Variants in FSHR observed in about 807,000 individuals in gnomAD.
The protein encoded by FSHR is follicle-stimulating hormone receptor.
Under a neutral mutation model 52.1 loss-of-function variants are expected in FSHR, and 46 were observed. The observed-to-expected ratio is 0.88, with a 90% CI of 0.70 to 1.13. The LOEUF (loss-of-function observed/expected upper bound fraction) is 1.13. FSHR is among the 50% of genes most tolerant of loss of function. FSHR has a pLI of 0.00. For missense variants in FSHR, 964 were observed against 834.6 expected (o/e 1.16, Z -1.91); for synonymous variants, 399 against 309.6 (o/e 1.29, Z -3.03).
At chr2:49,097,827 G>C (rs1019311583) in intron 1 of FSHR, among the ~76,000 whole-genome samples, 1 of 152,124 alleles carries the variant, frequency 6.6e-6, no homozygotes, top group Non-Finnish European at 1.5e-5. Flanking sequence ...ATCTAAGTTA[G>C]TGTTTTGTTG....
chr2:49,058,416 G>A (rs1418147873), intron 2 of FSHR, among the ~76,000 whole-genome samples: 2 of 151,832 alleles, frequency 1.3e-5, no homozygotes, highest in African/African-American at 2.4e-5. Flanking sequence ...GCATGGTGGT[G>A]CATGCCTGTA....
chr2:48,982,816 G>T, intron 8 of FSHR, 96 bp downstream of exon 8: 1 of 1,067,168 alleles, frequency 9.4e-7, no homozygotes, highest in Non-Finnish European at 1.5e-6. Context: ...TTGATGGCCA[G>T]CCCTGTGTTG....
chr2:49,151,021 T>C lies in FSHR; in HGVS notation c.152+3245A>G, dbSNP rs189585045. Among the ~76,000 whole-genome samples, 134 of 152,266 alleles carry C rather than the reference T, an allele frequency of 8.8e-4. 1 individual carries two copies. Among genetic ancestry groups the C allele is most frequent in the African/African-American group, 3.2e-3 (132 of 41,552 alleles). ...ATAAAGTTTTCTTGGAACATGTCCA[T>C]GTTCATTAATTTACATGTTGTTTAT... On this transcript the variant is annotated intron_variant, in intron 1 of 9. Coordinates refer to ENST00000406846, the MANE Select transcript of FSHR (RefSeq NM_000145.4).
intron 4 of FSHR, among the ~76,000 whole-genome samples, chr2:49,012,887 G>T (rs1189168646): frequency 1.3e-5 from 2 of 152,094 alleles, no homozygotes; most frequent in African/African-American, 2.4e-5. Context: ...GGACTGAACT[G>T]TGTCCTCTCA....
chr2:49,012,163 G>A (rs767339228), intron 4 of FSHR, among the ~76,000 whole-genome samples: 1 of 152,094 alleles, frequency 6.6e-6, no homozygotes, highest in Non-Finnish European at 1.5e-5. Flanking sequence ...ATGGTTTATT[G>A]AGCAGCAAAG....
intron 2 of FSHR, among the ~76,000 whole-genome samples, chr2:49,056,677 C>T (rs1323290017): frequency 6.6e-6 from 1 of 151,838 alleles, no homozygotes; most frequent in Non-Finnish European, 1.5e-5. Context: ...ACTTACAGAA[C>T]ATTTCATCCA....
At chr2:49,027,790 C>T (rs1667959609) in intron 2 of FSHR, among the ~76,000 whole-genome samples, 1 of 140,448 alleles carries the variant, frequency 7.1e-6, no homozygotes, top group Non-Finnish European at 1.5e-5. Flanking sequence ...GCGGAGGTTG[C>T]AGTGAGCTGA....
At chr2:49,126,510 C>T (rs1240629898) in intron 1 of FSHR, among the ~76,000 whole-genome samples, 1 of 152,150 alleles carries the variant, frequency 6.6e-6, no homozygotes, top group East Asian at 1.9e-4. Context: ...GTTTCCAACA[C>T]ATAAACTTTG....
At chr2:49,120,861 G>A (rs994482183) in intron 1 of FSHR, among the ~76,000 whole-genome samples, 3 of 152,152 alleles carry the variant, frequency 2.0e-5, no homozygotes, top group African/African-American at 7.2e-5. Flanking sequence ...ATATTTTTAG[G>A]TGTAAACCAA....
At chr2:49,088,809 A>G (rs1273119637) in intron 1 of FSHR, among the ~76,000 whole-genome samples, 2 of 151,836 alleles carry the variant, frequency 1.3e-5, no homozygotes, top group Non-Finnish European at 2.9e-5. Context: ...CTGAGAATGA[A>G]GTCACAAGGA....
intron 1 of FSHR, among the ~76,000 whole-genome samples, chr2:49,076,580 A>G (rs1245523306): frequency 6.6e-6 from 1 of 152,130 alleles, no homozygotes; most frequent in Non-Finnish European, 1.5e-5. Context: ...TACATTTGAA[A>G]ACTAATTATG....
chr2:49,138,359 C>G (rs1360288912), intron 1 of FSHR, among the ~76,000 whole-genome samples: 2 of 152,068 alleles, frequency 1.3e-5, no homozygotes, highest in Non-Finnish European at 2.9e-5. Flanking sequence ...TAGGTATACA[C>G]CAAGAAAACT....
chr2:49,061,065 C>T (rs1669270467), intron 2 of FSHR, among the ~76,000 whole-genome samples: 1 of 152,112 alleles, frequency 6.6e-6, no homozygotes. Context: ...CAAGGTAGTA[C>T]TGTACCTTGC....
intron 1 of FSHR, among the ~76,000 whole-genome samples, chr2:49,146,463 A>T (rs4971665): frequency 2.6e-5 from 4 of 151,784 alleles, no homozygotes; most frequent in Non-Finnish European, 5.9e-5. Flanking sequence ...GATCCCTCAT[A>T]AATTCTTTGT....
intron 2 of FSHR, among the ~76,000 whole-genome samples, chr2:49,021,229 C>T (rs1197395884): frequency 6.6e-6 from 1 of 152,156 alleles, no homozygotes; most frequent in East Asian, 1.9e-4. Context: ...AAAGATTCCT[C>T]AGGTCTCAGC....
intron 1 of FSHR, among the ~76,000 whole-genome samples, chr2:49,099,477 G>A (rs561820275): frequency 3.3e-5 from 5 of 152,196 alleles, no homozygotes; most frequent in African/African-American, 7.2e-5. Flanking sequence ...TTTATTAGCA[G>A]TGTGAGAACA....
intron 4 of FSHR, chr2:49,014,871 C>A (rs935058044): frequency 8.5e-6 from 4 of 468,332 alleles, no homozygotes; most frequent in East Asian, 7.0e-5. Context: ...TCCTAGAGAG[C>A]ATTTGTTCTG....
chr2:48,963,509 T>A lies in FSHR; in HGVS notation c.1312A>T (p.Thr438Ser). ...QYHNYAIDWQTGAGCDAAGFF... is the reference protein window; with the variant it reads ...QYHNYAIDWQSGAGCDAAGFF... ...CCAGCAGCATCACAGCCTGCCCCAG[T>A]TTGCCAGTCAATGGCATAGTTGTGA... Residue 438 changes from threonine to serine, a missense_variant, in exon 10 of 10, where the codon ACT becomes TCT. By Grantham distance (58) the Thr-to-Ser change is moderately conservative (BLOSUM62 1). Transcript: ENST00000406846. The A allele has an allele frequency of 6.2e-7, 1 of 1,614,190 alleles. No individual in the cohort carries two copies. The highest frequency in any genetic ancestry group is 8.5e-7 in the Non-Finnish European group (1 of 1,180,026).
At position 48,965,250 on chromosome 2, in the gene FSHR, G is replaced by A. The variant is rs184856099; in HGVS notation, c.855-1284C>T. Among the ~76,000 whole-genome samples the A allele has an allele frequency of 2.4e-3, 365 of 152,234 alleles. 1 individual carries two copies. Among genetic ancestry groups the A allele is most frequent in the Non-Finnish European group, 2.7e-3 (184 of 68,016 alleles). On this transcript the variant is annotated intron_variant, in intron 9 of 9. Transcript: ENST00000406846. ...ACCTATTATACAGGGACTGAACCTT[G>A]CCCCATCAACCTGGATGAGAAGGGT...
Sources: allele counts gnomAD v4.1 joint callset (sites outside exome capture counted in the v4.1 genomes callset), GRCh38; gene constraint gnomAD v4.1.1; transcripts MANE v1.5; gene names NCBI Gene and HGNC (gene_info 2026-07-23, HGNC 2026-07-21).